PTK2B: variants seen among roughly 807,000 people sequenced by gnomAD.
PTK2B encodes protein tyrosine kinase 2 beta.
PTK2B carries 71 observed loss-of-function variants against 142.9 expected under a neutral mutation model. That is an observed-to-expected ratio of 0.50 (90% CI 0.41 to 0.61). The LOEUF is 0.61. Ranked by LOEUF, PTK2B falls within the 20% of genes least tolerant of loss-of-function variation. The pLI is 0.00. For missense variants in PTK2B, 1,105 were observed against 1,320.4 expected, an observed-to-expected ratio of 0.84 and a Z score of 2.53; for synonymous variants, 519 against 503.4, an observed-to-expected ratio of 1.03 and a Z score of -0.42.
At position 27,314,604 on chromosome 8, in the gene PTK2B, C is replaced by T. The variant is rs535062563; in HGVS notation, c.-414+1317C>T. Among the ~76,000 whole-genome samples, 8 of 152,338 alleles carry T rather than the reference C, an allele frequency of 5.3e-5. No homozygotes were observed. In the East Asian group the frequency reaches 5.8e-4, roughly 11 times the overall value. On this transcript the variant is annotated intron_variant, in intron 3 of 35. Coordinates refer to the PTK2B transcript ENST00000397501. ...CTTCATCCTCTCCATTTACATAGGG[C>T]GTACCCCAGGTAACCAATGGAGTCC... is the stretch of plus-strand genomic sequence containing the variant.
chr8:27,403,819 T>G (rs1307517332), intron 2 of PTK2B, among the ~76,000 whole-genome samples: 1 of 152,026 alleles, frequency 6.6e-6, no homozygotes, highest in Admixed American at 6.5e-5. Flanking sequence ...TTCTTCTGTC[T>G]TCTTTCTTTT....
At chr8:27,441,779 A>G (rs1460955031) in intron 21 of PTK2B, among the ~76,000 whole-genome samples, 2 of 152,182 alleles carry the variant, frequency 1.3e-5, no homozygotes, top group Admixed American at 6.5e-5. Context: ...TGAAGGATGT[A>G]ATTTGGGAGG....
chr8:27,458,860 A>G lies in PTK2B; in HGVS notation c.*351A>G. ...CCCTAGCTTTATATATGGACATGGC[A>G]GGCCGATTTGGGAACCAAGCTATTC... On this transcript the variant is annotated 3_prime_UTR_variant, in exon 31 of 31. Coordinates refer to ENST00000346049, the MANE Select transcript of PTK2B (RefSeq NM_173176.3). 1 of 395,922 alleles carries G rather than the reference A, an allele frequency of 2.5e-6. No individual in the cohort carries two copies. The highest frequency in any genetic ancestry group is 4.2e-5 in the Admixed American group (1 of 23,744). 24.5% of individuals were successfully genotyped at this position (395,922 alleles called of 1,614,324 possible). A position where few individuals can be genotyped will look rare whatever the true frequency, so the allele number is the denominator to read the frequency against.
chr8:27,435,796 A>G lies in PTK2B; in HGVS notation c.1243+3A>G. The G allele has an allele frequency of 6.2e-7, 1 of 1,613,922 alleles. No homozygotes were observed. The highest frequency in any genetic ancestry group is 8.5e-7 in the Non-Finnish European group (1 of 1,179,940). On this transcript the variant is annotated splice_donor_region_variant and intron_variant, in intron 14 of 30. Coordinates refer to ENST00000346049, the MANE Select transcript of PTK2B (RefSeq NM_173176.3). Reference sequence around the variant, plus strand: ...CGAAACCCTGCGAAGGCCCGGAGGTAGGTTCTCGACCCCGCCACAGCGACC... The same window carrying G: ...CGAAACCCTGCGAAGGCCCGGAGGTGGGTTCTCGACCCCGCCACAGCGACC...
chr8:27,358,059 A>C (rs943839048), intron 1 of PTK2B, among the ~76,000 whole-genome samples: 3 of 152,190 alleles, frequency 2.0e-5, no homozygotes, highest in African/African-American at 7.2e-5. Flanking sequence ...AAGAAGGTTT[A>C]CTTAGTTCTT....
chr8:27,359,468 A>T (rs1377448260), intron 1 of PTK2B, among the ~76,000 whole-genome samples: 1 of 152,032 alleles, frequency 6.6e-6, no homozygotes, highest in African/African-American at 2.4e-5. Context: ...TCAGTTCTTG[A>T]TTTTCTAATC....
chr8:27,351,043 G>T, intron 1 of PTK2B, among the ~76,000 whole-genome samples: 1 of 89,588 alleles, frequency 1.1e-5, no homozygotes, highest in Non-Finnish European at 2.1e-5. Context: ...ATATATATAC[G>T]TGCTTGGAGC....
At chr8:27,338,518 A>G (rs1804212610) in intron 1 of PTK2B, among the ~76,000 whole-genome samples, 2 of 152,112 alleles carry the variant, frequency 1.3e-5, no homozygotes, top group South Asian at 4.1e-4. Flanking sequence ...ACCAAACACC[A>G]CCTGTTCCCC....
chr8:27,378,622 T>C (rs964890246), intron 1 of PTK2B, among the ~76,000 whole-genome samples: 21 of 138,232 alleles, frequency 1.5e-4, no homozygotes, highest in East Asian at 3.9e-4. Flanking sequence ...TGTGTGTGTG[T>C]GTGTGTGTGT....
chr8:27,445,799 T>C lies in PTK2B; in HGVS notation c.2220T>C (p.Pro740=), dbSNP rs2132339942. Residue 740 remains proline (P), a synonymous_variant, in exon 24 of 31, where the codon CCT becomes CCC. Transcript: ENST00000346049. ...TCTTTGCTTTTCCTGAATAGGTTCC[T>C]GAGGGTCTGTGTGCCAGCTCTCCTA... ...LLAPKLQFQV[P]EGLCASSPTL... 1 of 1,613,874 alleles carries C rather than the reference T, an allele frequency of 6.2e-7. No homozygotes were observed. The highest frequency in any genetic ancestry group is 8.5e-7 in the Non-Finnish European group (1 of 1,180,046).
At chr8:27,325,181 C>A (rs897601255), upstream of PTK2B, among the ~76,000 whole-genome samples, 1 of 152,158 alleles carries the variant, frequency 6.6e-6, no homozygotes, top group Admixed American at 6.5e-5. Flanking sequence ...CTTGGGAGAA[C>A]CAGCCTGAGA....
intron 30 of PTK2B, among the ~76,000 whole-genome samples, chr8:27,455,546 CAAAAT>C (rs1250941094): frequency 6.6e-6 from 1 of 152,134 alleles, no homozygotes; most frequent in Non-Finnish European, 1.5e-5. Context: ...CACCCTATCT[CAAAAT>C]AATAAATAAA....
chr8:27,337,385 G>A (rs979748549), intron 1 of PTK2B, among the ~76,000 whole-genome samples: 3 of 152,074 alleles, frequency 2.0e-5, no homozygotes, highest in South Asian at 2.1e-4. Flanking sequence ...ATCCACCCGC[G>A]TTGGCCTCCT....
intron 1 of PTK2B, among the ~76,000 whole-genome samples, chr8:27,326,347 G>C (rs879311176): frequency 2.6e-5 from 4 of 152,132 alleles, no homozygotes; most frequent in Non-Finnish European, 5.9e-5. Context: ...TCTGCCTGCT[G>C]TCAGGCTGCG....
In PTK2B at chr8:27,394,529, G is replaced by A. The variant is rs115944723; in HGVS notation, c.-37-3019G>A. ...GCTTGCAGAACCGAAAGTTGCTCTC[G>A]GAATCTGCGAGTGAGTGTGAGTGAA... On this transcript the variant is annotated intron_variant, in intron 1 of 30. Transcript: ENST00000346049. Among the ~76,000 whole-genome samples the A allele has an allele frequency of 1.5e-3, 228 of 152,336 alleles. 1 individual carries two copies. The highest frequency in any genetic ancestry group is 4.9e-3 in the African/African-American group (204 of 41,576).
Position 27,454,522 on chromosome 8 carries a change from TC to T in PTK2B, c.2734-3del, listed in dbSNP as rs1240582377. The stretch of plus-strand genomic sequence containing the variant: ...GAGTGGCGGCCATCCTGCCCCTTTC[TC>T]CCCCCAGAATGTGGGGCTGACCCTG... On this transcript the variant is annotated splice_polypyrimidine_tract_variant and splice_region_variant and intron_variant, in intron 29 of 30. Transcript: ENST00000346049. The T allele has an allele frequency of 7.4e-6, 12 of 1,613,250 alleles. No individual in the cohort carries two copies. Among genetic ancestry groups the T allele is most frequent in the Non-Finnish European group, 1.0e-5 (12 of 1,179,418 alleles).
chr8:27,374,181 G>A (rs1291008534), intron 1 of PTK2B, among the ~76,000 whole-genome samples: 1 of 152,244 alleles, frequency 6.6e-6, no homozygotes, highest in Non-Finnish European at 1.5e-5. Flanking sequence ...TTCATGTGCA[G>A]TGCACATAGA....
intron 1 of PTK2B, among the ~76,000 whole-genome samples, chr8:27,343,138 C>T (rs1001698761): frequency 6.6e-6 from 1 of 152,202 alleles, no homozygotes; most frequent in Non-Finnish European, 1.5e-5. Flanking sequence ...CCTCAGGCAA[C>T]AAATATGCGG....
At chr8:27,435,640 C>T (rs1168993903) in intron 13 of PTK2B, 103 bp from the exon 14 acceptor site, 1 of 1,398,752 alleles carries the variant, frequency 7.1e-7, no homozygotes, top group Non-Finnish European at 1.0e-6. Flanking sequence ...CCTCCTACCC[C>T]CTTGGGCTCC....
Sources: allele counts gnomAD v4.1 joint callset (sites outside exome capture counted in the v4.1 genomes callset), GRCh38; gene constraint gnomAD v4.1.1; transcripts MANE v1.5; gene names NCBI Gene and HGNC (gene_info 2026-07-23, HGNC 2026-07-21).